HEMK2: variants seen among roughly 807,000 people sequenced by gnomAD.
HEMK2 encodes HemK methyltransferase 2, ETF1 glutamine and histone H4 lysine.
the HEMK2 span, among the ~76,000 whole-genome samples, chr21:28,809,669 T>G: frequency 9.3e-4 from 141 of 152,298 alleles, no homozygotes; most frequent in African/African-American, 3.3e-3. Context: ...ATAGTTAACA[T>G]TCAGAAATGA....
At chr21:28,872,973 C>G in the HEMK2 span, 1 of 152,178 alleles carries the variant, frequency 6.6e-6, no homozygotes, top group Non-Finnish European at 1.5e-5. Flanking sequence ...TATTTGGCAC[C>G]CTGTGGCCTA....
At chr21:28,732,859 C>A in the HEMK2 span, among the ~76,000 whole-genome samples, 1 of 152,246 alleles carries the variant, frequency 6.6e-6, no homozygotes, top group African/African-American at 2.4e-5. Context: ...TTTCAAAATC[C>A]TCTGTCTGCC....
chr21:28,578,423 A>G, the HEMK2 span, among the ~76,000 whole-genome samples: 1 of 152,214 alleles, frequency 6.6e-6, no homozygotes, highest in African/African-American at 2.4e-5. Flanking sequence ...TTGAACATCC[A>G]ACACCTGAAA....
the HEMK2 span, among the ~76,000 whole-genome samples, chr21:28,811,363 GAGGAAGGAAGGAA>G: frequency 1.1e-3 from 161 of 143,006 alleles, 1 homozygote; most frequent in African/African-American, 4.0e-3. Flanking sequence ...GGAAGGGAGG[GAGGAAGGAAGGAA>G]AGGAAGGAAG....
At chr21:28,593,401 G>A in the HEMK2 span, among the ~76,000 whole-genome samples, 5 of 152,110 alleles carry the variant, frequency 3.3e-5, no homozygotes, top group South Asian at 2.1e-4. Context: ...ACCTGTATAC[G>A]TGGATTAGTA....
the HEMK2 span, among the ~76,000 whole-genome samples, chr21:28,625,777 C>G: frequency 6.6e-6 from 1 of 151,482 alleles, no homozygotes; most frequent in African/African-American, 2.4e-5. Context: ...CCTTATTTGG[C>G]AAGGTAGGTA....
the HEMK2 span, among the ~76,000 whole-genome samples, chr21:28,778,826 A>C: frequency 6.6e-6 from 1 of 152,176 alleles, no homozygotes; most frequent in Non-Finnish European, 1.5e-5. Flanking sequence ...TATATACTAG[A>C]AACAAGCCTT....
At chr21:28,787,651 C>CA in the HEMK2 span, among the ~76,000 whole-genome samples, 1 of 152,144 alleles carries the variant, frequency 6.6e-6, no homozygotes, top group African/African-American at 2.4e-5. Flanking sequence ...ATCAAAATCA[C>CA]AATGTGATAC....
At chr21:28,644,798 CAATGT>C in the HEMK2 span, among the ~76,000 whole-genome samples, 1 of 152,116 alleles carries the variant, frequency 6.6e-6, no homozygotes, top group African/African-American at 2.4e-5. Context: ...GATGACCAGG[CAATGT>C]AAAATACTGG....
the HEMK2 span, among the ~76,000 whole-genome samples, chr21:28,797,717 G>T: frequency 2.0e-5 from 3 of 152,104 alleles, no homozygotes; most frequent in Non-Finnish European, 2.9e-5. Context: ...GCTGAAATAG[G>T]CACAAGATAA....
chr21:28,635,253 C>T, the HEMK2 span, among the ~76,000 whole-genome samples: 1 of 152,036 alleles, frequency 6.6e-6, no homozygotes, highest in African/African-American at 2.4e-5. Context: ...CGGGTGCCTG[C>T]CACCACACCC....
the HEMK2 span, among the ~76,000 whole-genome samples, chr21:28,855,512 A>G: frequency 2.6e-5 from 4 of 152,232 alleles, no homozygotes; most frequent in African/African-American, 9.6e-5. Flanking sequence ...TCAACACTTG[A>G]CCAAATGGGC....
the HEMK2 span, among the ~76,000 whole-genome samples, chr21:28,698,651 T>C: frequency 9.9e-5 from 15 of 152,246 alleles, 1 homozygote; most frequent in African/African-American, 3.1e-4. Flanking sequence ...TTATGAAGGA[T>C]TGAAGTATTA....
the HEMK2 span, among the ~76,000 whole-genome samples, chr21:28,680,445 G>C: frequency 6.6e-6 from 1 of 152,160 alleles, no homozygotes; most frequent in African/African-American, 2.4e-5. Flanking sequence ...GGACCAGAAG[G>C]ATTCACAGCC....
At chr21:28,713,755 C>T in the HEMK2 span, among the ~76,000 whole-genome samples, 140 of 152,308 alleles carry the variant, frequency 9.2e-4, no homozygotes, top group Middle Eastern at 3.4e-3. Flanking sequence ...CTGTCTACCT[C>T]CGTCTTTAGA....
the HEMK2 span, among the ~76,000 whole-genome samples, chr21:28,854,411 T>C: frequency 0.077 from 11,520 of 150,332 alleles, 511 homozygotes; most frequent in African/African-American, 0.11. Context: ...CCTTAATATT[T>C]TGTTCCTCTA....
chr21:28,710,895 T>C, the HEMK2 span, among the ~76,000 whole-genome samples: 2 of 152,168 alleles, frequency 1.3e-5, no homozygotes, highest in Non-Finnish European at 2.9e-5. Context: ...TCCATTACAT[T>C]GTTCATGAGA....
At chr21:28,880,753 AG>A in the HEMK2 span, among the ~76,000 whole-genome samples, 1 of 149,348 alleles carries the variant, frequency 6.7e-6, no homozygotes, top group Non-Finnish European at 1.5e-5. Context: ...AAAAAAAAAA[AG>A]AAAGAAAGAA....
chr21:28,731,783 G>A, the HEMK2 span, among the ~76,000 whole-genome samples: 2 of 149,372 alleles, frequency 1.3e-5, no homozygotes, highest in Admixed American at 1.3e-4. Flanking sequence ...AGAAAGAAAT[G>A]AGCAGTCCCT....
Sources: allele counts gnomAD v4.1 joint callset (sites outside exome capture counted in the v4.1 genomes callset), GRCh38; gene constraint gnomAD v4.1.1; transcripts MANE v1.5; gene names NCBI Gene and HGNC (gene_info 2026-07-23, HGNC 2026-07-21).